Variants in DNAH17 observed in about 807,000 individuals in gnomAD.
DNAH17 encodes the protein axonemal beta dynein heavy chain 17.
A neutral mutation model predicts 485.6 loss-of-function variants in DNAH17; 376 were observed. The observed-to-expected ratio is 0.77, with a 90% CI of 0.71 to 0.84. DNAH17 has a LOEUF of 0.84. Ranked by LOEUF, DNAH17 falls within the 40% of genes least tolerant of loss-of-function variation. The pLI is 0.00. For missense variants in DNAH17, 6,370 were observed against 5,839.3 expected (o/e 1.09, Z -2.96); for synonymous variants, 3,031 against 2,405.9 (o/e 1.26, Z -7.60).
Position 78,460,308 on chromosome 17 carries a change from G to T in DNAH17, c.9340-51C>A, listed in dbSNP as rs191558025. The T allele has an allele frequency of 2.0e-4, 300 of 1,517,004 alleles. No individual in the cohort carries two copies. In the African/African-American group the frequency reaches 3.8e-3, roughly 19 times the overall value. 94.0% of individuals were successfully genotyped at this position (1,517,004 alleles called of 1,614,324 possible). A position where few individuals can be genotyped will look rare whatever the true frequency, so the allele number is the denominator to read the frequency against. On this transcript the variant is annotated intron_variant, in intron 58 of 80. Coordinates refer to ENST00000389840, the MANE Select transcript of DNAH17 (RefSeq NM_173628.4). Reference sequence around the variant, plus strand: ...TTACTGCAGGCCTGTCCATGTGCCTGTGGGGGCGTGTACGTGCATGTGTGT... The same window carrying T: ...TTACTGCAGGCCTGTCCATGTGCCTTTGGGGGCGTGTACGTGCATGTGTGT...
chr17:78,524,617 A>ATGTT (rs10624174), intron 25 of DNAH17, among the ~76,000 whole-genome samples: 86,051 of 151,590 alleles, frequency 0.57, 24,953 homozygotes, highest in African/African-American at 0.67. Context: ...GAGGAATAAA[A>ATGTT]TGTTGTTTAT....
chr17:78,425,676 C>G lies in DNAH17; in HGVS notation c.12916-105G>C, dbSNP rs1471134377. 2.7e-5 allele frequency: 28 copies of G among 1,023,702 alleles called. 1 individual carries two copies. Among genetic ancestry groups the G allele is most frequent in the Non-Finnish European group, 2.8e-5 (20 of 719,108 alleles). The allele number at this position is 1,023,702 out of a possible 1,614,324, so 63.4% of individuals were successfully genotyped here. ...GGGTCACGCCAGAACCTTCCACGGG[C>G]CACTCAGCGAGCTAGAAGTGCTGGA... is the stretch of plus-strand genomic sequence containing the variant. On this transcript the variant is annotated intron_variant, in intron 79 of 80. Coordinates refer to ENST00000389840, the MANE Select transcript of DNAH17 (RefSeq NM_173628.4).
At chr17:78,464,925 T>C (rs903771803) in intron 56 of DNAH17, among the ~76,000 whole-genome samples, 2 of 152,254 alleles carry the variant, frequency 1.3e-5, no homozygotes, top group Non-Finnish European at 1.5e-5. Context: ...TTTTCAAAAA[T>C]ATTACATTAA....
At chr17:78,508,962 C>T (rs1379201597) in intron 27 of DNAH17, among the ~76,000 whole-genome samples, 1 of 134,514 alleles carries the variant, frequency 7.4e-6, no homozygotes, top group Non-Finnish European at 1.6e-5. Context: ...TCATCATGTG[C>T]CCAGCTGTTT....
At chr17:78,450,925 T>C (rs2087521803) in intron 66 of DNAH17, 79 bp from the exon 67 acceptor site, 5 of 1,542,404 alleles carry the variant, frequency 3.2e-6, no homozygotes, top group Middle Eastern at 1.9e-4. Flanking sequence ...GGTGGCCATG[T>C]AGCTGAGCCA....
At chr17:78,571,211 T>C in intron 5 of DNAH17, 68 bp downstream of exon 5, 1 of 1,451,998 alleles carries the variant, frequency 6.9e-7, no homozygotes, top group East Asian at 2.4e-5. Flanking sequence ...TGGTGACAAG[T>C]CTGACCCAGC....
At chr17:78,482,350 C>T (rs2089387795) in intron 48 of DNAH17, among the ~76,000 whole-genome samples, 1 of 152,098 alleles carries the variant, frequency 6.6e-6, no homozygotes, top group Non-Finnish European at 1.5e-5. Flanking sequence ...CCCCATTATG[C>T]ACTTTGTGTG....
intron 56 of DNAH17, among the ~76,000 whole-genome samples, chr17:78,465,023 C>G (rs1326069143): frequency 6.6e-6 from 1 of 152,274 alleles, no homozygotes; most frequent in African/African-American, 2.4e-5. Context: ...GCCATCTCGG[C>G]TCGCTGCAGC....
chr17:78,512,325 G>A, intron 26 of DNAH17, among the ~76,000 whole-genome samples: 1 of 152,038 alleles, frequency 6.6e-6, no homozygotes, highest in East Asian at 1.9e-4. Context: ...TGTCTTCACA[G>A]TTCTCACTCC....
chr17:78,477,999 CCATCATCACCAT>C (rs1166784757), intron 51 of DNAH17, among the ~76,000 whole-genome samples: 2 of 115,504 alleles, frequency 1.7e-5, no homozygotes, highest in Non-Finnish European at 3.3e-5. Flanking sequence ...ATCACCACCA[CCATCATCACCAT>C]CATCACCATC....
chr17:78,448,988 T>G (rs912845246), intron 69 of DNAH17, among the ~76,000 whole-genome samples: 3 of 152,236 alleles, frequency 2.0e-5, no homozygotes, highest in Non-Finnish European at 4.4e-5. Flanking sequence ...TTTCAGAGAA[T>G]GCAGATCTTT....
In DNAH17 at chr17:78,476,879, G is replaced by C; in HGVS notation, c.7993-146C>G. The C allele has an allele frequency of 4.0e-6, 4 of 990,310 alleles. No homozygotes were observed. In the South Asian group the frequency reaches 7.1e-5, roughly 18 times the overall value. The allele number at this position is 990,310 out of a possible 1,614,324, so 61.3% of individuals were successfully genotyped here. A position where few individuals can be genotyped will look rare whatever the true frequency, so the allele number is the denominator to read the frequency against. On this transcript the variant is annotated intron_variant, in intron 51 of 80. Transcript: ENST00000389840. ...GGCACAGCATTCACTTGGGGCCAGG[G>C]AAGCCACTCATCACGGAGGTCCCAA...
At chr17:78,485,147 T>C (rs1299462528) in intron 47 of DNAH17, 114 bp from the exon 48 acceptor site, 10 of 1,370,278 alleles carry the variant, frequency 7.3e-6, no homozygotes, top group Non-Finnish European at 8.7e-6. Context: ...CTGGCTGGGA[T>C]CCAAGTTTAC....
At chr17:78,451,302 C>A (rs1356065450) in intron 66 of DNAH17, among the ~76,000 whole-genome samples, 167 bp downstream of exon 66, 1 of 152,218 alleles carries the variant, frequency 6.6e-6, no homozygotes, top group Non-Finnish European at 1.5e-5. Flanking sequence ...AATGAGCCAT[C>A]CTGTCGTATG....
At chr17:78,439,566 C>T (rs1436357326) in intron 72 of DNAH17, among the ~76,000 whole-genome samples, 1 of 151,622 alleles carries the variant, frequency 6.6e-6, no homozygotes, top group African/African-American at 2.4e-5. Context: ...TATTTCATAT[C>T]AAGGGAACTG....
intron 51 of DNAH17, among the ~76,000 whole-genome samples, chr17:78,478,720 TGCCATCATCACCACCATC>T (rs1242593157): frequency 2.8e-5 from 4 of 140,414 alleles, no homozygotes; most frequent in African/African-American, 1.2e-4. Context: ...CCACCACTAT[TGCCATCATCACCACCATC>T]ATCACCATCA....
chr17:78,468,908 G>A (rs1271775574), intron 54 of DNAH17, 25 bp from the exon 55 acceptor site: 1 of 1,596,940 alleles, frequency 6.3e-7, no homozygotes, highest in Admixed American at 1.7e-5. Context: ...GACACGCTTA[G>A]GGGCCTTGGT....
chr17:78,538,055 G>A (rs921211048), intron 18 of DNAH17, among the ~76,000 whole-genome samples: 1 of 146,912 alleles, frequency 6.8e-6, no homozygotes, highest in Non-Finnish European at 1.5e-5. Flanking sequence ...GCAGGAAATC[G>A]CTTGAACCCA....
At chr17:78,526,512 A>G in intron 24 of DNAH17, 139 bp downstream of exon 24, 3 of 673,320 alleles carry the variant, frequency 4.5e-6, no homozygotes, top group Non-Finnish European at 7.4e-6. Flanking sequence ...GCATGCATAC[A>G]CATAAGAGCA....
Sources: gnomAD v4.1 joint callset for allele counts (sites outside exome capture counted in the v4.1 genomes callset) on GRCh38, gnomAD v4.1.1 for gene constraint, MANE v1.5 for transcripts, NCBI Gene and HGNC (gene_info 2026-07-23, HGNC 2026-07-21) for gene names.